DYSF: variants seen among roughly 807,000 people sequenced by gnomAD.
The protein encoded by DYSF is dystrophy-associated fer-1-like 1.
A neutral mutation model predicts 274.9 loss-of-function variants in DYSF; 212 were observed. That is an observed-to-expected ratio of 0.77 (90% CI 0.69 to 0.86). The LOEUF (loss-of-function observed/expected upper bound fraction) is 0.86, where lower values mean the gene tolerates loss of function less well. Ranked by LOEUF, DYSF falls within the 40% of genes least tolerant of loss-of-function variation. The probability of loss-of-function intolerance (pLI) is 0.00; values close to 1 mark genes in which losing one functional copy is unlikely to be tolerated. For missense variants in DYSF, 2,666 were observed against 2,783.2 expected (o/e 0.96, Z 0.95); for synonymous variants, 1,091 against 1,078.7 (o/e 1.01, Z -0.22).
intron 46 of DYSF, 119 bp from the exon 47 acceptor site, chr2:71,665,043 C>A: frequency 6.6e-7 from 1 of 1,513,326 alleles, no homozygotes. Flanking sequence ...ATGGGACACC[C>A]ACTGTAAAAG....
rs2087794563 is a variant in DYSF, at chr2:71,525,643, A to C, written c.1150-577A>C. On this transcript the variant is annotated intron_variant, in intron 12 of 55. Transcript: ENST00000410020. ...CATGTGGGATGTGATTTTTGTTATT[A>C]CTGTTCCAACCACAAGACACAGTAC... 2.0e-5 allele frequency among the ~76,000 whole-genome samples: 3 copies of C among 152,302 alleles called. No homozygotes were observed. The South Asian group carries it at 6.2e-4, about 32-fold the overall frequency.
intron 24 of DYSF, among the ~76,000 whole-genome samples, chr2:71,565,332 C>A (rs1475962668): frequency 1.3e-5 from 2 of 151,318 alleles, no homozygotes; most frequent in Non-Finnish European, 1.5e-5. Flanking sequence ...CTCAGGTGAT[C>A]CGCCTGCCTT....
rs71402988 is a variant in DYSF, at chr2:71,518,255, A to AT, written c.1002+1235dup. ...GCACAGACTAAAGGAGACCTGTATGATTTTTTTTTTTTTTTTTTTGAGATG... is the reference window on the plus strand; with the variant it reads ...GCACAGACTAAAGGAGACCTGTATGATTTTTTTTTTTTTTTTTTTTGAGATG... On this transcript the variant is annotated intron_variant, in intron 10 of 55. Coordinates refer to ENST00000410020, the MANE Select transcript of DYSF (RefSeq NM_001130987.2). 9.7e-3 allele frequency among the ~76,000 whole-genome samples: 1,352 copies of AT among 138,836 alleles called. 18 individuals are homozygous for AT. Among genetic ancestry groups the AT allele is most frequent in the East Asian group, 0.034 (160 of 4,716 alleles). The allele number at this position is 138,836 out of a possible 152,430, so 91.1% of individuals were successfully genotyped here.
intron 17 of DYSF, among the ~76,000 whole-genome samples, chr2:71,543,672 C>A (rs1035456506): frequency 1.3e-5 from 2 of 152,332 alleles, no homozygotes; most frequent in Non-Finnish European, 2.9e-5. Context: ...CCAGCCCGGC[C>A]AACACAGCGA....
chr2:71,478,130 T>G (rs1253291493), intron 1 of DYSF, among the ~76,000 whole-genome samples: 1 of 151,994 alleles, frequency 6.6e-6, no homozygotes, highest in Non-Finnish European at 1.5e-5. Flanking sequence ...ATAATTATTT[T>G]TAAATGCTTC....
chr2:71,657,114 G>A (rs1301788278), intron 43 of DYSF, among the ~76,000 whole-genome samples: 1 of 152,162 alleles, frequency 6.6e-6, no homozygotes, highest in African/African-American at 2.4e-5. Context: ...AGATACAATG[G>A]GGGTGCAGGT....
chr2:71,572,055 C>T (rs140507725), intron 29 of DYSF, among the ~76,000 whole-genome samples: 443 of 126,018 alleles, frequency 3.5e-3, no homozygotes, highest in African/African-American at 9.8e-3. Flanking sequence ...AGATCACACC[C>T]AGCACACACA....
chr2:71,664,284 T>C lies in DYSF; in HGVS notation c.5020T>C (p.Cys1674Arg). ...CTCCTGCAGGATGTTCGAGCTGACC[T>C]GCACTCTGCCTCTGGAGAAGGACCT... ...PVFGKMFELT[C>R]TLPLEKDLKI... is the part of the protein sequence containing the mutation. Residue 1674 changes from cysteine to arginine, a missense_variant, in exon 46 of 56, where the codon TGC becomes CGC. Cys to Arg is a radical substitution (Grantham distance 180). Around this residue, in one of 3 missense-constraint regions of DYSF, gnomAD observed 1,460 missense variants for 1,502.1 expected, o/e 0.97. Coordinates refer to ENST00000410020, the MANE Select transcript of DYSF (RefSeq NM_001130987.2). 1 of 1,614,164 alleles carries C rather than the reference T, an allele frequency of 6.2e-7. No individual in the cohort carries two copies. Among genetic ancestry groups the C allele is most frequent in the Admixed American group, 1.7e-5 (1 of 60,022 alleles).
chr2:71,571,844 C>T (rs370605445), intron 29 of DYSF, among the ~76,000 whole-genome samples: 273 of 138,764 alleles, frequency 2.0e-3, no homozygotes, highest in East Asian at 0.014. Context: ...AGCACATGCA[C>T]AGATCACACC....
intron 17 of DYSF, among the ~76,000 whole-genome samples, chr2:71,545,209 GA>G (rs910670268): frequency 1.3e-5 from 2 of 152,212 alleles, no homozygotes; most frequent in African/African-American, 4.8e-5. Flanking sequence ...AGAAAGAAAT[GA>G]AAAGACTGGT....
At chr2:71,666,257 C>T (rs1422727336) in intron 47 of DYSF, among the ~76,000 whole-genome samples, 3 of 152,178 alleles carry the variant, frequency 2.0e-5, no homozygotes, top group South Asian at 2.1e-4. Flanking sequence ...AAACAAAAGC[C>T]AGAAAGCTAG....
chr2:71,632,018 A>T (rs1332908621), intron 41 of DYSF, among the ~76,000 whole-genome samples: 1 of 151,996 alleles, frequency 6.6e-6, no homozygotes, highest in African/African-American at 2.4e-5. Context: ...CTGGTCTGAG[A>T]GGGATCTCTT....
intron 41 of DYSF, 74 bp downstream of exon 41, chr2:71,620,683 A>T: frequency 7.2e-7 from 1 of 1,393,044 alleles, no homozygotes; most frequent in South Asian, 1.2e-5. Flanking sequence ...TTAGGAGGGA[A>T]ATGGGAGGGG....
At chr2:71,623,669 C>T (rs1012923940) in intron 41 of DYSF, among the ~76,000 whole-genome samples, 7 of 151,758 alleles carry the variant, frequency 4.6e-5, no homozygotes, top group Admixed American at 6.6e-5. Flanking sequence ...GAGAACTTAA[C>T]GATACTTGCA....
At chr2:71,602,668 T>G in intron 35 of DYSF, 108 bp from the exon 36 acceptor site, 1 of 1,222,996 alleles carries the variant, frequency 8.2e-7, no homozygotes, top group East Asian at 2.5e-5. Context: ...TCTGGCATGC[T>G]GACCTCTGGC....
chr2:71,625,586 G>A (rs2094194525), intron 41 of DYSF, among the ~76,000 whole-genome samples: 1 of 151,990 alleles, frequency 6.6e-6, no homozygotes, highest in Admixed American at 6.6e-5. Context: ...AATAGGTCTT[G>A]ATCTCTGATA....
rs114436264 is a variant in DYSF at position 71,569,404 on chromosome 2, T to C, written c.2865-416T>C. Among the ~76,000 whole-genome samples, 1,280 of 152,344 alleles carry C rather than the reference T, an allele frequency of 8.4e-3. 14 individuals are homozygous for C. The highest frequency in any genetic ancestry group is 0.029 in the African/African-American group (1,222 of 41,560). On this transcript the variant is annotated intron_variant, in intron 26 of 55. Coordinates refer to ENST00000410020, the MANE Select transcript of DYSF (RefSeq NM_001130987.2). ...CCTCTCTCTCCTCTCCTTTTCCTGTTTGGTTGGCATTCAACTCTGTGGTGT... is the reference window on the plus strand; with the variant it reads ...CCTCTCTCTCCTCTCCTTTTCCTGTCTGGTTGGCATTCAACTCTGTGGTGT...
At chr2:71,585,257 A>T (rs147850103) in intron 30 of DYSF, among the ~76,000 whole-genome samples, 1 of 152,188 alleles carries the variant, frequency 6.6e-6, no homozygotes, top group African/African-American at 2.4e-5. Flanking sequence ...AGAGCCGTGC[A>T]TTTTCCACAG....
At chr2:71,526,415 C>CGGGGG in intron 13 of DYSF, 69 bp downstream of exon 13, 1 of 411,242 alleles carries the variant, frequency 2.4e-6, no homozygotes, top group Non-Finnish European at 3.9e-6. Flanking sequence ...TGGGGGTGGG[C>CGGGGG]GATGGCGGGC....
Sources: gnomAD v4.1 joint callset for allele counts (sites outside exome capture counted in the v4.1 genomes callset) on GRCh38, gnomAD v4.1.1 for gene constraint, gnomAD v4.1.1 regional missense constraint, MANE v1.5 for transcripts, NCBI Gene and HGNC (gene_info 2026-07-23, HGNC 2026-07-21) for gene names.